HIVEP1: variants seen among roughly 807,000 people sequenced by gnomAD.
The protein encoded by HIVEP1 is HIVEP zinc finger 1.
HIVEP1 carries 36 observed loss-of-function variants against 180.0 expected under a neutral mutation model. The observed-to-expected ratio is 0.20, with a 90% CI of 0.15 to 0.26. The LOEUF (loss-of-function observed/expected upper bound fraction) is 0.26, where lower values mean the gene tolerates loss of function less well. Among genes scored for constraint, HIVEP1 ranks in the 10% least tolerant of loss-of-function variants. The pLI is 1.00. For synonymous variants in HIVEP1, 1,239 were observed against 1,239.0 expected, an observed-to-expected ratio of 1.00 and a Z score of 0.00; for missense variants, 3,143 against 3,268.7, an observed-to-expected ratio of 0.96 and a Z score of 0.94.
At chr6:12,144,739 A>G (rs1272303512) in intron 7 of HIVEP1, among the ~76,000 whole-genome samples, 1 of 152,106 alleles carries the variant, frequency 6.6e-6, no homozygotes, top group Non-Finnish European at 1.5e-5. Context: ...TCAAAAGAAG[A>G]CATTTATGCA....
At chr6:12,126,593 T>G (rs1758083266) in intron 4 of HIVEP1, among the ~76,000 whole-genome samples, 1 of 152,252 alleles carries the variant, frequency 6.6e-6, no homozygotes, top group Non-Finnish European at 1.5e-5. Context: ...CATATCACGT[T>G]CGACTCTGCA....
intron 2 of HIVEP1, among the ~76,000 whole-genome samples, chr6:12,032,431 C>T (rs1769021312): frequency 6.6e-6 from 1 of 152,008 alleles, no homozygotes; most frequent in Admixed American, 6.6e-5. Flanking sequence ...CGTGAGCCAC[C>T]GCGCCCGGCC....
chr6:12,011,617 G>A (rs1561848573), upstream of HIVEP1, among the ~76,000 whole-genome samples: 1 of 120,740 alleles, frequency 8.3e-6, no homozygotes, highest in Non-Finnish European at 1.7e-5. Flanking sequence ...TCCCCCTCCC[G>A]TCCCTGCGGC....
In HIVEP1 at chr6:12,089,462, A is replaced by G. The variant is rs142283153; in HGVS notation, c.94+225A>G. On this transcript the variant is annotated intron_variant, in intron 3 of 8. Coordinates refer to ENST00000379388, the MANE Select transcript of HIVEP1 (RefSeq NM_002114.4). ...TCCCACATATTAATGTATGACTGGT[A>G]GAAGTGTGAAAGGTTATTGCAGCTC... Among the ~76,000 whole-genome samples the G allele has an allele frequency of 1.2e-4, 18 of 152,278 alleles. No individual in the cohort carries two copies. The East Asian group carries it at 3.3e-3, about 28-fold the overall frequency.
At chr6:12,114,512 A>G (rs1321668526) in intron 3 of HIVEP1, among the ~76,000 whole-genome samples, 4 of 152,028 alleles carry the variant, frequency 2.6e-5, no homozygotes, top group Non-Finnish European at 4.4e-5. Context: ...CCCTCTCCAC[A>G]GCATATTCTC....
At position 12,123,959 on chromosome 6, in the gene HIVEP1, C is replaced by T. The variant is rs371406056; in HGVS notation, c.4164C>T (p.Phe1388=). 2.4e-5 allele frequency: 38 copies of T among 1,614,028 alleles called. No individual in the cohort carries two copies. Among genetic ancestry groups the T allele is most frequent in the Non-Finnish European group, 3.1e-5 (36 of 1,179,966 alleles). ...TCTCTGATCTCAGAAGCAAATCATT[C>T]GATTGTGGAAGCATCACCCCACCCC... ...MEVSDLRSKS[F]DCGSITPPQT... The change falls in exon 4 of 9, where the codon TTC becomes TTT. Residue 1388 remains phenylalanine (F), a synonymous_variant. Coordinates refer to ENST00000379388, the MANE Select transcript of HIVEP1 (RefSeq NM_002114.4).
intron 5 of HIVEP1, 83 bp downstream of exon 5, chr6:12,129,975 G>A: frequency 1.1e-6 from 1 of 924,366 alleles, no homozygotes; most frequent in African/African-American, 1.7e-5. Context: ...TGAAGACTTA[G>A]TGCCAATTTA....
Position 12,163,948 on chromosome 6 carries a change from C to A in HIVEP1, c.7644C>A (p.Asn2548Lys), listed in dbSNP as rs1251298232. Reference protein sequence around the residue: ...QAHIPGLQILNIALPTLIPSV... With the variant: ...QAHIPGLQILKIALPTLIPSV... ...ACATTCCAGGTCTCCAGATCTTGAA[C>A]ATAGCATTGCCCACCTTAATCCCCT... The change falls in exon 9 of 9, where the codon AAC (asparagine) becomes AAA (lysine). Residue 2548 changes from asparagine to lysine, a missense_variant. Physicochemically the swap from Asn to Lys is moderately conservative, Grantham distance 94. This residue lies in a region of HIVEP1 where 595 missense variants were observed against 602.2 expected (regional missense o/e 0.99). Coordinates refer to ENST00000379388, the MANE Select transcript of HIVEP1 (RefSeq NM_002114.4). The A allele has an allele frequency of 6.2e-7, 1 of 1,614,156 alleles. No homozygotes were observed. The highest frequency in any genetic ancestry group is 1.3e-5 in the African/African-American group (1 of 75,032).
the HIVEP1 span, among the ~76,000 whole-genome samples, chr6:12,203,959 C>A: frequency 6.6e-6 from 1 of 152,094 alleles, no homozygotes; most frequent in Admixed American, 6.6e-5. Flanking sequence ...CATCTGTAAT[C>A]CCAGCTACTT....
chr6:12,020,032 C>T (rs1349242656), intron 2 of HIVEP1, among the ~76,000 whole-genome samples: 1 of 152,176 alleles, frequency 6.6e-6, no homozygotes, highest in Non-Finnish European at 1.5e-5. Flanking sequence ...GTATCTACTT[C>T]TTTGCTCTTA....
chr6:12,152,171 C>CA (rs901163947), intron 7 of HIVEP1, among the ~76,000 whole-genome samples: 1 of 151,724 alleles, frequency 6.6e-6, no homozygotes, highest in Non-Finnish European at 1.5e-5. Flanking sequence ...CTCAAAAAAA[C>CA]AAAAAAAGAC....
chr6:12,116,460 G>C (rs906393620), intron 3 of HIVEP1, among the ~76,000 whole-genome samples: 1 of 151,916 alleles, frequency 6.6e-6, no homozygotes, highest in Non-Finnish European at 1.5e-5. Flanking sequence ...TAAAATGATA[G>C]TGCAGTATTC....
the HIVEP1 span, among the ~76,000 whole-genome samples, chr6:12,193,302 A>T: frequency 6.6e-6 from 1 of 152,208 alleles, no homozygotes; most frequent in Non-Finnish European, 1.5e-5. Flanking sequence ...GCTCTCATAA[A>T]TAATTCTGAA....
chr6:12,103,706 T>C (rs1774242982), intron 3 of HIVEP1, among the ~76,000 whole-genome samples: 1 of 151,954 alleles, frequency 6.6e-6, no homozygotes, highest in South Asian at 2.1e-4. Flanking sequence ...TCTTCAATAG[T>C]GTATTCTTAT....
chr6:12,135,711 G>T, intron 6 of HIVEP1, 80 bp from the exon 7 acceptor site: 1 of 852,852 alleles, frequency 1.2e-6, no homozygotes, highest in East Asian at 2.5e-5. Context: ...TGCTTGAATA[G>T]GAATGAAATT....
upstream of HIVEP1, among the ~76,000 whole-genome samples, chr6:12,010,560 A>G (rs1767218883): frequency 6.6e-6 from 1 of 152,040 alleles, no homozygotes; most frequent in African/African-American, 2.4e-5. Flanking sequence ...ATGGTCGTTT[A>G]GCATTTTTAT....
chr6:12,032,334 G>A (rs558349952), intron 2 of HIVEP1, among the ~76,000 whole-genome samples: 1 of 151,884 alleles, frequency 6.6e-6, no homozygotes, highest in Non-Finnish European at 1.5e-5. Flanking sequence ...AGTAGAGACA[G>A]GGTTTCACTG....
chr6:12,055,498 G>A (rs1015928654), intron 2 of HIVEP1, among the ~76,000 whole-genome samples: 2 of 152,078 alleles, frequency 1.3e-5, no homozygotes, highest in African/African-American at 2.4e-5. Flanking sequence ...TCATTATTTT[G>A]TTATCTTTTT....
At chr6:12,021,687 C>A (rs781594168) in intron 2 of HIVEP1, among the ~76,000 whole-genome samples, 1 of 152,124 alleles carries the variant, frequency 6.6e-6, no homozygotes, top group Non-Finnish European at 1.5e-5. Context: ...GTTTTTGAGA[C>A]GGAGTTTCAC....
Sources: gnomAD v4.1 joint callset for allele counts (sites outside exome capture counted in the v4.1 genomes callset) on GRCh38, gnomAD v4.1.1 for gene constraint, gnomAD v4.1.1 regional missense constraint, MANE v1.5 for transcripts, NCBI Gene and HGNC (gene_info 2026-07-23, HGNC 2026-07-21) for gene names.